Variants in URI1 observed in about 807,000 individuals in gnomAD.
The protein encoded by URI1 is URI1 prefoldin like chaperone.
Under a neutral mutation model 60.2 loss-of-function variants are expected in URI1, and 39 were observed. The ratio of observed to expected loss-of-function variants is 0.65; its 90% CI spans 0.50 to 0.85. URI1 has a LOEUF of 0.85. Among genes scored for constraint, URI1 ranks in the 40% least tolerant of loss-of-function variants. URI1 has a pLI of 0.00. For synonymous variants in URI1, 251 were observed against 236.8 expected (o/e 1.06, Z -0.55); for missense variants, 691 against 665.9 (o/e 1.04, Z -0.42).
intron 3 of URI1, 81 bp downstream of exon 3, chr19:29,985,382 G>C: frequency 2.5e-6 from 3 of 1,209,260 alleles, no homozygotes; most frequent in Non-Finnish European, 3.6e-6. Flanking sequence ...AGAATGTCAG[G>C]CTGATGGACT....
upstream of URI1, among the ~76,000 whole-genome samples, chr19:29,939,678 A>G (rs552344075): frequency 6.6e-6 from 1 of 152,314 alleles, no homozygotes; most frequent in East Asian, 1.9e-4. Context: ...TGGACAGGAG[A>G]TCAAGAAAGC....
At chr19:29,980,632 A>AAC (rs2055583397) in intron 2 of URI1, among the ~76,000 whole-genome samples, 3 of 147,682 alleles carry the variant, frequency 2.0e-5, no homozygotes, top group Non-Finnish European at 3.0e-5. Context: ...AAAAAAAAAA[A>AAC]AAAAAAACTG....
chr19:29,987,479 G>A (rs1203555428), intron 4 of URI1, among the ~76,000 whole-genome samples: 1 of 152,056 alleles, frequency 6.6e-6, no homozygotes, highest in Non-Finnish European at 1.5e-5. Context: ...GTAATTTCTG[G>A]CAATGATAAA....
At position 30,016,509 on chromosome 19, in the gene URI1, A is replaced by AT. The variant is rs1298706646; in HGVS notation, c.*1447dup. 4 of 152,002 alleles carry AT rather than the reference A, an allele frequency of 2.6e-5. No individual in the cohort carries two copies. The highest frequency in any genetic ancestry group is 6.6e-5 in the Admixed American group (1 of 15,244). 9.4% of individuals were successfully genotyped at this position (152,002 alleles called of 1,614,324 possible). The stretch of plus-strand genomic sequence containing the variant: ...ATTCACATGAGGCTTTCTGTGCTAG[A>AT]TTTTTTTCTCAGAAACAAACTTTAC... On this transcript the variant is annotated 3_prime_UTR_variant, in exon 11 of 11. Coordinates refer to ENST00000392271, the MANE Select transcript of URI1 (RefSeq NM_003796.3).
chr19:29,959,849 T>C (rs1568417461), intron 1 of URI1, among the ~76,000 whole-genome samples: 2 of 152,136 alleles, frequency 1.3e-5, no homozygotes, highest in Non-Finnish European at 2.9e-5. Flanking sequence ...TACTGATTTC[T>C]TCTCTCTTTT....
At chr19:29,956,543 C>T in intron 1 of URI1, 1 of 1,535,810 alleles carries the variant, frequency 6.5e-7, no homozygotes, top group Non-Finnish European at 8.9e-7. Flanking sequence ...AGCTCAGTGT[C>T]ATTTCCTTCA....
At chr19:30,008,372 C>T (rs1403780997) in intron 7 of URI1, among the ~76,000 whole-genome samples, 1 of 152,016 alleles carries the variant, frequency 6.6e-6, no homozygotes, top group Non-Finnish European at 1.5e-5. Flanking sequence ...TTAACTAATA[C>T]TATTCATTTT....
chr19:29,964,073 C>A lies in URI1; in HGVS notation c.118-7120C>A, dbSNP rs75896245. Among the ~76,000 whole-genome samples the A allele has an allele frequency of 3.5e-3, 532 of 152,184 alleles. 5 individuals carry two copies. The highest frequency in any genetic ancestry group is 0.012 in the African/African-American group (517 of 41,536). On this transcript the variant is annotated intron_variant, in intron 1 of 10. Transcript: ENST00000392271. ...GCCTTGTCAGACTGCGCAAGTTCTGCTTGTTTCTTTCTGCTAGCCATGGCT... is the reference window on the plus strand; with the variant it reads ...GCCTTGTCAGACTGCGCAAGTTCTGATTGTTTCTTTCTGCTAGCCATGGCT...
intron 1 of URI1, chr19:29,925,753 T>G (rs1199756804): frequency 2.0e-5 from 3 of 152,286 alleles, no homozygotes; most frequent in Admixed American, 2.0e-4. Flanking sequence ...AAATTCTTAA[T>G]AACTTTTGAA....
intron 1 of URI1, chr19:29,956,697 G>T (rs1235921861): frequency 8.4e-6 from 13 of 1,545,846 alleles, no homozygotes; most frequent in Non-Finnish European, 1.1e-5. Context: ...TGGGGGAAGT[G>T]AGCATACACA....
chr19:29,972,702 G>T (rs1459367856), intron 2 of URI1, among the ~76,000 whole-genome samples: 6 of 152,022 alleles, frequency 3.9e-5, no homozygotes. Context: ...TTGAGTAAAT[G>T]ACCAAATATG....
At position 30,005,071 on chromosome 19, in the gene URI1, C is replaced by G. The variant is rs192166508; in HGVS notation, c.368-290C>G. Among the ~76,000 whole-genome samples the G allele has an allele frequency of 5.3e-5, 8 of 152,028 alleles. No homozygotes were observed. In the East Asian group the frequency reaches 9.6e-4, roughly 18 times the overall value. On this transcript the variant is annotated intron_variant, in intron 4 of 10. Transcript: ENST00000392271. ...TGTGATGATCCAACTAGATATTTAT[C>G]CTATAGAAACCTGGTAGCACCAGGC...
At chr19:29,942,704 G>C (rs779352501) in intron 1 of URI1, 40 bp downstream of exon 1, 11 of 1,354,776 alleles carry the variant, frequency 8.1e-6, no homozygotes, top group Non-Finnish European at 8.5e-6. Flanking sequence ...TCCGCCCGCC[G>C]GGCTGCCCCT....
At chr19:29,997,571 T>C (rs558326474) in intron 4 of URI1, among the ~76,000 whole-genome samples, 2 of 152,192 alleles carry the variant, frequency 1.3e-5, no homozygotes, top group Non-Finnish European at 2.9e-5. Flanking sequence ...TATTCCTTTC[T>C]TCTGTTAGCT....
rs1053705204 is a variant in URI1 at position 30,015,662 on chromosome 19, A to T, written c.*593A>T. ...AAATTTCTTTGGAAAGATATTTTGTAAAACTTTTTTTTCCAAGTAAAAACT... is the reference window on the plus strand; with the variant it reads ...AAATTTCTTTGGAAAGATATTTTGTTAAACTTTTTTTTCCAAGTAAAAACT... On this transcript the variant is annotated 3_prime_UTR_variant, in exon 11 of 11. Transcript: ENST00000392271. 1.4e-5 allele frequency: 19 copies of T among 1,394,784 alleles called. No individual in the cohort carries two copies. Among genetic ancestry groups the T allele is most frequent in the Admixed American group, 2.7e-5 (1 of 37,602 alleles). 86.4% of individuals were successfully genotyped at this position (1,394,784 alleles called of 1,614,324 possible).
chr19:29,974,236 C>T (rs1198195085), intron 2 of URI1, among the ~76,000 whole-genome samples: 1 of 151,944 alleles, frequency 6.6e-6, no homozygotes, highest in Non-Finnish European at 1.5e-5. Context: ...GAACACCCTG[C>T]CCGGCACTCA....
intron 4 of URI1, among the ~76,000 whole-genome samples, chr19:30,004,102 A>G (rs549214001): frequency 6.6e-6 from 1 of 152,166 alleles, no homozygotes; most frequent in South Asian, 2.1e-4. Context: ...CAGATTTGCC[A>G]TGGCAACCGG....
chr19:29,932,170 TGTTA>T (rs1283427883), intron 1 of URI1, among the ~76,000 whole-genome samples: 3 of 152,134 alleles, frequency 2.0e-5, no homozygotes, highest in Non-Finnish European at 4.4e-5. Context: ...CTCATTATTA[TGTTA>T]GTTATGGGCT....
intron 1 of URI1, among the ~76,000 whole-genome samples, chr19:29,932,693 C>A (rs1472453697): frequency 1.3e-5 from 2 of 150,308 alleles, no homozygotes; most frequent in African/African-American, 4.9e-5. Flanking sequence ...CTCTTGTTGC[C>A]CGGGCTGGAG....
Sources: gnomAD v4.1 joint callset for allele counts (sites outside exome capture counted in the v4.1 genomes callset) on GRCh38, gnomAD v4.1.1 for gene constraint, MANE v1.5 for transcripts, NCBI Gene and HGNC (gene_info 2026-07-23, HGNC 2026-07-21) for gene names.